Variants in DDX10 observed in about 807,000 individuals in gnomAD.
DDX10 encodes the protein probable ATP-dependent RNA helicase DDX10.
In DDX10, 74 loss-of-function variants were observed where a neutral mutation model predicts 104.3. The ratio of observed to expected loss-of-function variants is 0.71; its 90% CI spans 0.59 to 0.86. DDX10 has a LOEUF of 0.86. Among genes scored for constraint, DDX10 ranks in the 40% least tolerant of loss-of-function variants. DDX10 has a pLI of 0.00. For synonymous variants in DDX10, 351 were observed against 353.4 expected, an observed-to-expected ratio of 0.99 and a Z score of 0.08; for missense variants, 952 against 1,040.0, an observed-to-expected ratio of 0.92 and a Z score of 1.16.
chr11:108,766,514 T>C (rs886213519), intron 13 of DDX10, among the ~76,000 whole-genome samples: 2 of 152,236 alleles, frequency 1.3e-5, no homozygotes, highest in South Asian at 2.1e-4. Context: ...ATTAAACATA[T>C]ATAGAACACA....
intron 17 of DDX10, among the ~76,000 whole-genome samples, chr11:108,928,845 G>A (rs533954366): frequency 1.2e-3 from 190 of 152,244 alleles, no homozygotes; most frequent in Non-Finnish European, 2.1e-3. Flanking sequence ...ACATTGATAG[G>A]AATAAAACTT....
intron 13 of DDX10, among the ~76,000 whole-genome samples, chr11:108,805,111 A>G (rs963968926): frequency 2.6e-5 from 4 of 152,240 alleles, no homozygotes; most frequent in African/African-American, 9.6e-5. Flanking sequence ...AATGGATGGT[A>G]AATAAACCTC....
intron 16 of DDX10, among the ~76,000 whole-genome samples, chr11:108,877,911 C>CT (rs1484434892): frequency 6.6e-6 from 1 of 152,136 alleles, no homozygotes; most frequent in Non-Finnish European, 1.5e-5. Flanking sequence ...ATCAAGAAGG[C>CT]TTATTAAGGC....
In DDX10 at chr11:108,912,055, C is replaced by T. The variant is rs148535468; in HGVS notation, c.2305-5818C>T. Reference sequence around the variant, plus strand: ...TACCTGTCTCAGTCACTTTGGGCTGCGGTAACAAAATTCCATAGACTAGTA... The same window carrying T: ...TACCTGTCTCAGTCACTTTGGGCTGTGGTAACAAAATTCCATAGACTAGTA... On this transcript the variant is annotated intron_variant, in intron 16 of 17. Coordinates refer to ENST00000322536, the MANE Select transcript of DDX10 (RefSeq NM_004398.4). Among the ~76,000 whole-genome samples, 151 of 152,206 alleles carry T rather than the reference C, an allele frequency of 9.9e-4. 1 individual carries two copies. The East Asian group carries it at 0.025, about 25-fold the overall frequency.
intron 16 of DDX10, among the ~76,000 whole-genome samples, chr11:108,879,311 A>G (rs1388040229): frequency 1.3e-5 from 2 of 152,162 alleles, no homozygotes. Context: ...AAATTTTCTA[A>G]GTCTTCTAAA....
intron 13 of DDX10, among the ~76,000 whole-genome samples, chr11:108,756,344 C>T (rs1261555061): frequency 1.3e-5 from 2 of 151,972 alleles, no homozygotes; most frequent in African/African-American, 4.8e-5. Context: ...ATGTCAAGCT[C>T]ACGGAGATCA....
intron 13 of DDX10, among the ~76,000 whole-genome samples, chr11:108,739,097 A>G (rs2094321859): frequency 6.6e-6 from 1 of 152,194 alleles, no homozygotes; most frequent in Non-Finnish European, 1.5e-5. Flanking sequence ...TGTCTCTCCT[A>G]AGGCTGTATG....
intron 13 of DDX10, among the ~76,000 whole-genome samples, chr11:108,758,243 G>A (rs1433859172): frequency 1.3e-5 from 2 of 152,044 alleles, no homozygotes; most frequent in Non-Finnish European, 2.9e-5. Context: ...TGGGTTTTCA[G>A]GGTGTTTGAC....
chr11:108,688,046 A>G (rs1288110788), intron 6 of DDX10, among the ~76,000 whole-genome samples: 1 of 152,198 alleles, frequency 6.6e-6, no homozygotes, highest in Non-Finnish European at 1.5e-5. Context: ...TATGGATAGA[A>G]TCTTCATTCC....
intron 16 of DDX10, among the ~76,000 whole-genome samples, chr11:108,905,105 A>G (rs1863572545): frequency 6.6e-6 from 1 of 151,976 alleles, no homozygotes; most frequent in East Asian, 1.9e-4. Flanking sequence ...TCCCCACAAA[A>G]TGTGTTATGT....
At chr11:108,742,851 T>C (rs984423681) in intron 13 of DDX10, among the ~76,000 whole-genome samples, 2 of 151,954 alleles carry the variant, frequency 1.3e-5, no homozygotes, top group South Asian at 4.2e-4. Context: ...AGAAACTGAA[T>C]CCCTGAAGAG....
At chr11:108,877,976 G>C (rs548197017) in intron 16 of DDX10, among the ~76,000 whole-genome samples, 1 of 152,094 alleles carries the variant, frequency 6.6e-6, no homozygotes, top group South Asian at 2.1e-4. Context: ...TCTTGCTTCT[G>C]TTTGTACCTT....
rs926575239 is a variant in DDX10 at position 108,794,569 on chromosome 11, T to A, written c.1966-43877T>A. ...TTTCCTTCTGTTCAGTTTTTTTTTTTAATCACAAATGGGTCTTGAATTTTG... is the reference window on the plus strand; with the variant it reads ...TTTCCTTCTGTTCAGTTTTTTTTTTAAATCACAAATGGGTCTTGAATTTTG... On this transcript the variant is annotated intron_variant, in intron 13 of 17. Coordinates refer to ENST00000322536, the MANE Select transcript of DDX10 (RefSeq NM_004398.4). Among the ~76,000 whole-genome samples, 8 of 145,468 alleles carry A rather than the reference T, an allele frequency of 5.5e-5. No individual in the cohort carries two copies. The East Asian group carries it at 8.1e-4, about 15-fold the overall frequency.
intron 16 of DDX10, among the ~76,000 whole-genome samples, chr11:108,907,707 A>G (rs1863615984): frequency 1.3e-5 from 2 of 152,142 alleles, no homozygotes; most frequent in Non-Finnish European, 2.9e-5. Context: ...AGATCCCCAT[A>G]ATTGTAGGGG....
At chr11:108,816,824 G>A (rs1862262253) in intron 13 of DDX10, among the ~76,000 whole-genome samples, 1 of 152,148 alleles carries the variant, frequency 6.6e-6, no homozygotes. Flanking sequence ...AAAGTGCTGG[G>A]ATTACAGGTG....
intron 9 of DDX10, among the ~76,000 whole-genome samples, chr11:108,701,403 C>T (rs957717054): frequency 2.6e-5 from 4 of 152,022 alleles, no homozygotes; most frequent in Admixed American, 1.3e-4. Flanking sequence ...GAGGACTGTG[C>T]GATAGTAGAG....
intron 16 of DDX10, among the ~76,000 whole-genome samples, chr11:108,863,778 G>GA (rs1038437233): frequency 6.6e-6 from 1 of 151,750 alleles, no homozygotes; most frequent in South Asian, 2.1e-4. Flanking sequence ...AGTGAGAGAA[G>GA]AAAAAAAATA....
chr11:108,815,656 C>T (rs1862245470), intron 13 of DDX10, among the ~76,000 whole-genome samples: 1 of 152,200 alleles, frequency 6.6e-6, no homozygotes, highest in Non-Finnish European at 1.5e-5. Flanking sequence ...TCAGAGAACC[C>T]TTATTAAAAT....
intron 1 of DDX10, among the ~76,000 whole-genome samples, chr11:108,666,543 A>T (rs2094210443): frequency 1.3e-5 from 2 of 152,196 alleles, no homozygotes; most frequent in Admixed American, 1.3e-4. Context: ...TCTGGAGGCC[A>T]TACGTCTGAA....
Sources: allele counts gnomAD v4.1 joint callset (sites outside exome capture counted in the v4.1 genomes callset), GRCh38; gene constraint gnomAD v4.1.1; transcripts MANE v1.5; gene names NCBI Gene and HGNC (gene_info 2026-07-23, HGNC 2026-07-21).